ASGR2: variants seen among roughly 807,000 people sequenced by gnomAD.
ASGR2 encodes asialoglycoprotein receptor 2, also known as C-type lectin domain family 4 member H2.
In ASGR2, 34 loss-of-function variants were observed where a neutral mutation model predicts 32.3. The ratio of observed to expected loss-of-function variants is 1.05; its 90% CI spans 0.80 to 1.40. The LOEUF (loss-of-function observed/expected upper bound fraction) is 1.40. ASGR2 is among the 40% of genes most tolerant of loss of function. ASGR2 has a pLI of 0.00. For missense variants in ASGR2, 385 were observed against 386.4 expected (o/e 1.00, Z 0.03); for synonymous variants, 143 against 150.0 (o/e 0.95, Z 0.34).
Position 7,107,668 on chromosome 17 carries a change from G to T in ASGR2, c.409+168C>A, listed in dbSNP as rs896915722. On this transcript the variant is annotated intron_variant, in intron 5 of 8. Coordinates refer to ENST00000691900, the MANE Select transcript of ASGR2 (RefSeq NM_001201352.2). This position sits in a 1 kb window ranked among gnomAD's most constrained non-coding sequence, Gnocchi z 5.0. ...CACTACACACCACACACAGATCCATGACATATCACACCACACATACGGAGA... is the reference window on the plus strand; with the variant it reads ...CACTACACACCACACACAGATCCATTACATATCACACCACACATACGGAGA... The T allele has an allele frequency of 5.8e-6, 5 of 859,188 alleles. No homozygotes were observed. Among genetic ancestry groups the T allele is most frequent in the Non-Finnish European group, 9.2e-6 (5 of 542,798 alleles). The allele number at this position is 859,188 out of a possible 1,614,324, so 53.2% of individuals were successfully genotyped here.
chr17:7,107,115 T>C lies in ASGR2; in HGVS notation c.533A>G (p.Glu178Gly). 6.2e-7 allele frequency: 1 copy of C among 1,614,116 alleles called. No individual in the cohort carries two copies. Among genetic ancestry groups the C allele is most frequent in the Non-Finnish European group, 8.5e-7 (1 of 1,180,024 alleles). Residue 178 changes from glutamate (E) to glycine (G), a missense_variant, in exon 7 of 9, where the codon GAG (glutamate) becomes GGG (glycine). By Grantham distance (98) the Glu-to-Gly change is moderately conservative. Coordinates refer to ENST00000691900, the MANE Select transcript of ASGR2 (RefSeq NM_001201352.2). This position sits in a 1 kb window ranked among gnomAD's most constrained non-coding sequence, Gnocchi z 5.0. ...QRTCCPVNWV[E>G]HQGSCYWFSH... ...GAACCAGTAGCAGCTGCCTTGGTGC[T>C]CCACCCAGTTGACGGGGCAGCAGGT...
chr17:7,106,127 A>T (rs1198657377), intron 7 of ASGR2, among the ~76,000 whole-genome samples: 1 of 151,956 alleles, frequency 6.6e-6, no homozygotes, highest in Non-Finnish European at 1.5e-5. Context: ...GAGTCGATAT[A>T]TTTTTTTTAA....
At chr17:7,102,005 G>A in intron 8 of ASGR2, 85 bp downstream of exon 8, 1 of 1,364,092 alleles carries the variant, frequency 7.3e-7, no homozygotes, top group Non-Finnish European at 1.0e-6. Context: ...GTCCCTGAGG[G>A]ACGAGTCAGG....
rs1180596868 is a variant in ASGR2 at position 7,108,937 on chromosome 17, G to T, written c.125-49C>A. On this transcript the variant is annotated intron_variant, in intron 2 of 8. Transcript: ENST00000691900. This position sits in a 1 kb window ranked among gnomAD's most constrained non-coding sequence, Gnocchi z 4.9. ...CCGGCAGCCTGGGTGTGGGGAGCCG[G>T]AGGGTAAAGACAGGGCACCGAAGCC... 1.3e-6 allele frequency: 2 copies of T among 1,510,460 alleles called. No individual in the cohort carries two copies. Among genetic ancestry groups the T allele is most frequent in the Non-Finnish European group, 1.8e-6 (2 of 1,123,816 alleles). The allele number at this position is 1,510,460 out of a possible 1,614,324, so 93.6% of individuals were successfully genotyped here. A position where few individuals can be genotyped will look rare whatever the true frequency, so the allele number is the denominator to read the frequency against.
In ASGR2 at chr17:7,108,554, G is replaced by A. The variant is rs930767397; in HGVS notation, c.245C>T (p.Ala82Val). The A allele has an allele frequency of 3.7e-6, 6 of 1,607,572 alleles. No individual in the cohort carries two copies. The highest frequency in any genetic ancestry group is 5.1e-6 in the Non-Finnish European group (6 of 1,177,506). Reference sequence around the variant, plus strand: ...GCTCCGCAGCTCGGCTTGCAGCTGTGCACCTTGTCAGGTGGTAGTGGGGGC... The same window carrying A: ...GCTCCGCAGCTCGGCTTGCAGCTGTACACCTTGTCAGGTGGTAGTGGGGGC... Reference protein sequence around the residue: ...VVICVTGSQSAQLQAELRSLK... With the variant: ...VVICVTGSQSVQLQAELRSLK... Residue 82 changes from alanine to valine, a missense_variant, in exon 4 of 9, where the codon GCA becomes GTA. Coordinates refer to ENST00000691900, the MANE Select transcript of ASGR2 (RefSeq NM_001201352.2). The surrounding 1 kb of genome is among the most constrained non-coding windows in gnomAD (Gnocchi z 4.9).
intron 7 of ASGR2, among the ~76,000 whole-genome samples, chr17:7,102,466 AC>A (rs1457163653): frequency 1.3e-5 from 2 of 152,216 alleles, no homozygotes; most frequent in Non-Finnish European, 2.9e-5. Flanking sequence ...CACTGCAGTG[AC>A]CACATTTTGC....
Position 7,108,724 on chromosome 17 carries a change from C to T in ASGR2, c.241+48G>A, listed in dbSNP as rs1914210204. 1.2e-6 allele frequency: 2 copies of T among 1,613,928 alleles called. No homozygotes were observed. The highest frequency in any genetic ancestry group is 8.5e-7 in the Non-Finnish European group (1 of 1,179,860). On this transcript the variant is annotated intron_variant, in intron 3 of 8. Transcript: ENST00000691900. The surrounding 1 kb of genome is among the most constrained non-coding windows in gnomAD (Gnocchi z 4.9). The stretch of plus-strand genomic sequence containing the variant: ...GATCGCTGCCCGCCACTGCCCATGT[C>T]TCTTTCCCTACCCCTTGCCCATCCC...
upstream of ASGR2, chr17:7,114,924 G>A (rs967518714): frequency 5.1e-6 from 5 of 982,830 alleles, no homozygotes; most frequent in Non-Finnish European, 6.0e-6. The surrounding 1 kb of genome is among the most constrained non-coding windows in gnomAD (Gnocchi z 4.5). Context: ...CCTGGGCTGC[G>A]CTCAACTCCA....
rs549427566 is a variant in ASGR2 at position 7,113,488 on chromosome 17, AAC to A, written c.124+627_124+628del. Among the ~76,000 whole-genome samples, 217 of 145,466 alleles carry A rather than the reference AAC, an allele frequency of 1.5e-3. No homozygotes were observed. The highest frequency in any genetic ancestry group is 5.1e-3 in the African/African-American group (201 of 39,370). Reference sequence around the variant, plus strand: ...ATACACTCACACAATACACACACACAACACACACACAACATACACAACGTACA... The same window carrying A: ...ATACACTCACACAATACACACACACAACACACACAACATACACAACGTACA... On this transcript the variant is annotated intron_variant, in intron 2 of 8. Coordinates refer to ENST00000691900, the MANE Select transcript of ASGR2 (RefSeq NM_001201352.2). The surrounding 1 kb of genome is among the most constrained non-coding windows in gnomAD (Gnocchi z 5.1).
intron 2 of ASGR2, 119 bp from the exon 3 acceptor site, chr17:7,109,007 G>GGA (rs1914275402): frequency 1.1e-6 from 1 of 932,838 alleles, no homozygotes; most frequent in African/African-American, 1.7e-5. Flanking sequence ...GGGCCATGGG[G>GGA]GGGGGTCATC....
rs972576465 is a variant in ASGR2, at chr17:7,108,278, C to T, written c.337+184G>A. On this transcript the variant is annotated intron_variant, in intron 4 of 8. Transcript: ENST00000691900. This position sits in a 1 kb window ranked among gnomAD's most constrained non-coding sequence, Gnocchi z 4.9. ...TCACCTCCGGGTGTCGCAGATCCAA[C>T]CTCTCCACCTGGCACTAACCTCGTC... Among the ~76,000 whole-genome samples, 1 of 152,088 alleles carries T rather than the reference C, an allele frequency of 6.6e-6. No individual in the cohort carries two copies. The highest frequency in any genetic ancestry group is 2.4e-5 in the African/African-American group (1 of 41,400).
rs1443168176 is a variant in ASGR2 at position 7,114,585 on chromosome 17, C to T, written c.-71+30G>A. Reference sequence around the variant, plus strand: ...AGGCCTCCTTGTTCCCAAGCATCCTCGTCCCAGTTGCCTCCCCAGCCTCAG... The same window carrying T: ...AGGCCTCCTTGTTCCCAAGCATCCTTGTCCCAGTTGCCTCCCCAGCCTCAG... On this transcript the variant is annotated intron_variant, in intron 1 of 8. Transcript: ENST00000691900. This position sits in a 1 kb window ranked among gnomAD's most constrained non-coding sequence, Gnocchi z 4.5. 12 of 1,087,192 alleles carry T rather than the reference C, an allele frequency of 1.1e-5. No individual in the cohort carries two copies. The highest frequency in any genetic ancestry group is 9.1e-5 in the South Asian group (3 of 32,964). 67.3% of individuals were successfully genotyped at this position (1,087,192 alleles called of 1,614,324 possible).
At position 7,114,081 on chromosome 17, in the gene ASGR2, A is replaced by G; in HGVS notation, c.124+36T>C. ...GGACAGAGCAATCATGAGCTGAGAC[A>G]GAGGGGGAGCAAAGCCGCAGAAACT... On this transcript the variant is annotated intron_variant, in intron 2 of 8. Transcript: ENST00000691900. The surrounding 1 kb of genome is among the most constrained non-coding windows in gnomAD (Gnocchi z 4.5). The G allele has an allele frequency of 1.2e-6, 2 of 1,613,044 alleles. No homozygotes were observed. The highest frequency in any genetic ancestry group is 2.2e-5 in the South Asian group (2 of 91,024).
chr17:7,101,727 T>G lies in ASGR2; in HGVS notation c.769A>C (p.Thr257Pro). The change falls in exon 9 of 9, where the codon ACT becomes CCT. Residue 257 changes from threonine (T) to proline (P), a missense_variant. Physicochemically the swap from Thr to Pro is conservative, Grantham distance 38 (BLOSUM62 -1). Coordinates refer to ENST00000691900, the MANE Select transcript of ASGR2 (RefSeq NM_001201352.2). ...YRHNYKNWAV[T>P]QPDNWHGHEL... ...TGCCCGTGCCAATTATCTGGCTGAG[T>G]GACAGCCCAGTTCCTAAGGAGGCAA... 2 of 1,613,992 alleles carry G rather than the reference T, an allele frequency of 1.2e-6. No individual in the cohort carries two copies. The highest frequency in any genetic ancestry group is 1.7e-6 in the Non-Finnish European group (2 of 1,179,972).
At chr17:7,105,098 AC>A (rs1913473108) in intron 7 of ASGR2, among the ~76,000 whole-genome samples, 1 of 152,062 alleles carries the variant, frequency 6.6e-6, no homozygotes, top group African/African-American at 2.4e-5. Context: ...TGGAAGTTAT[AC>A]AAACTTTTAG....
chr17:7,103,410 T>C (rs1913136716), intron 7 of ASGR2, among the ~76,000 whole-genome samples: 1 of 152,108 alleles, frequency 6.6e-6, no homozygotes, highest in Admixed American at 6.5e-5. Flanking sequence ...CAACACACAC[T>C]ATGTGCTGCT....
At chr17:7,111,276 A>G (rs1914581799) in intron 2 of ASGR2, among the ~76,000 whole-genome samples, 1 of 152,248 alleles carries the variant, frequency 6.6e-6, no homozygotes, top group Non-Finnish European at 1.5e-5. Context: ...ATATCCCATT[A>G]TGTTCAAAAA....
At chr17:7,103,924 C>T (rs1484426713) in intron 7 of ASGR2, among the ~76,000 whole-genome samples, 1 of 151,532 alleles carries the variant, frequency 6.6e-6, no homozygotes, top group East Asian at 1.9e-4. Flanking sequence ...AATGCTCTCC[C>T]TCCCCGCTCC....
chr17:7,111,749 C>G (rs1347508866), intron 2 of ASGR2, among the ~76,000 whole-genome samples: 1 of 151,134 alleles, frequency 6.6e-6, no homozygotes, highest in Non-Finnish European at 1.5e-5. Flanking sequence ...TAGGGCCAGG[C>G]ACTGTGGATC....
Sources: gnomAD v4.1 joint callset for allele counts (sites outside exome capture counted in the v4.1 genomes callset) on GRCh38, gnomAD v4.1.1 for gene constraint, Gnocchi (gnomAD v3.1) non-coding constraint, MANE v1.5 for transcripts, NCBI Gene and HGNC (gene_info 2026-07-23, HGNC 2026-07-21) for gene names.